The following GPC5 variants were observed in gnomAD, a reference collection of about 807,000 sequenced individuals.
GPC5 encodes glypican 5.
GPC5 carries 47 observed loss-of-function variants against 53.9 expected under a neutral mutation model. The observed-to-expected ratio is 0.87, with a 90% CI of 0.69 to 1.11. The LOEUF (loss-of-function observed/expected upper bound fraction) is 1.11, where lower values mean the gene tolerates loss of function less well. Among genes scored for constraint, GPC5 ranks in the 50% most tolerant of loss-of-function variants. The probability of loss-of-function intolerance (pLI) is 0.00; values close to 1 mark genes in which losing one functional copy is unlikely to be tolerated. For missense variants in GPC5, 748 were observed against 713.1 expected (o/e 1.05, Z -0.56); for synonymous variants, 286 against 263.3 (o/e 1.09, Z -0.84).
chr13:91,919,697 C>T (rs1357880186), intron 6 of GPC5, among the ~76,000 whole-genome samples: 1 of 152,048 alleles, frequency 6.6e-6, no homozygotes, highest in Non-Finnish European at 1.5e-5. Context: ...CCAGATAACT[C>T]TCCTCCACTT....
At chr13:92,741,823 A>T (rs1345417485) in intron 7 of GPC5, among the ~76,000 whole-genome samples, 1 of 151,988 alleles carries the variant, frequency 6.6e-6, no homozygotes, top group African/African-American at 2.4e-5. Flanking sequence ...GCCTATGAGT[A>T]AGAACACGCG....
chr13:92,567,030 T>C (rs1882884577), intron 7 of GPC5, among the ~76,000 whole-genome samples: 3 of 152,250 alleles, frequency 2.0e-5, no homozygotes, highest in African/African-American at 7.2e-5. Flanking sequence ...TGATGCCATC[T>C]ACAAAGACAG....
chr13:92,685,035 T>G (rs1887219465), intron 7 of GPC5, among the ~76,000 whole-genome samples: 1 of 152,178 alleles, frequency 6.6e-6, no homozygotes, highest in South Asian at 2.1e-4. Flanking sequence ...AGTAGTATGC[T>G]GCCATCAGTA....
At chr13:91,913,975 G>A (rs140183091) in intron 6 of GPC5, among the ~76,000 whole-genome samples, 17 of 152,224 alleles carry the variant, frequency 1.1e-4, no homozygotes, top group African/African-American at 3.9e-4. Context: ...ACAACACTTG[G>A]TTGATCTTAG....
intron 3 of GPC5, among the ~76,000 whole-genome samples, chr13:91,722,895 C>A (rs1020451698): frequency 1.3e-5 from 2 of 152,110 alleles, no homozygotes; most frequent in African/African-American, 4.8e-5. Flanking sequence ...GAACTGGGCA[C>A]CTTGTACAAA....
At chr13:92,311,364 G>A (rs1010021565) in intron 7 of GPC5, among the ~76,000 whole-genome samples, 1 of 152,000 alleles carries the variant, frequency 6.6e-6, no homozygotes, top group Non-Finnish European at 1.5e-5. Flanking sequence ...TTCTGCTAGA[G>A]GAATTAGGTA....
chr13:92,249,214 T>G (rs1448536717), intron 7 of GPC5, among the ~76,000 whole-genome samples: 1 of 152,094 alleles, frequency 6.6e-6, no homozygotes, highest in Non-Finnish European at 1.5e-5. Context: ...TACAATAAAT[T>G]GTTGACTATA....
chr13:92,381,911 T>TC lies in GPC5; in HGVS notation c.1561+236922_1561+236923insC, dbSNP rs1364589576. Among the ~76,000 whole-genome samples the TC allele has an allele frequency of 2.2e-5, 3 of 135,826 alleles. No homozygotes were observed. The South Asian group carries it at 6.6e-4, about 30-fold the overall frequency. 89.1% of individuals were successfully genotyped at this position (135,826 alleles called of 152,430 possible). A position where few individuals can be genotyped will look rare whatever the true frequency, so the allele number is the denominator to read the frequency against. On this transcript the variant is annotated intron_variant, in intron 7 of 7. Transcript: ENST00000377067. ...ATATTATATATAATCATATATATGA[T>TC]ATATATAATCATATATATGATTATA...
chr13:91,784,156 C>T (rs1175579303), intron 5 of GPC5, among the ~76,000 whole-genome samples: 1 of 151,868 alleles, frequency 6.6e-6, no homozygotes, highest in Non-Finnish European at 1.5e-5. Context: ...TTTATTTAAG[C>T]CACTAAAAGT....
At chr13:91,935,930 T>C (rs2039866563) in intron 6 of GPC5, among the ~76,000 whole-genome samples, 2 of 152,108 alleles carry the variant, frequency 1.3e-5, no homozygotes, top group South Asian at 4.1e-4. Context: ...GGTCTATGAC[T>C]GAGCCTGGAG....
intron 2 of GPC5, among the ~76,000 whole-genome samples, chr13:91,512,933 T>A (rs1054676172): frequency 6.6e-6 from 1 of 152,028 alleles, no homozygotes; most frequent in Non-Finnish European, 1.5e-5. Context: ...AAAGTTTTTC[T>A]TGATAACTTT....
chr13:92,473,828 G>A (rs577977365), intron 7 of GPC5, among the ~76,000 whole-genome samples: 1 of 152,172 alleles, frequency 6.6e-6, no homozygotes, highest in African/African-American at 2.4e-5. Context: ...AATTATTCAT[G>A]TACTGAGGGA....
chr13:92,164,304 C>T (rs2139010508), intron 7 of GPC5, among the ~76,000 whole-genome samples: 1 of 152,264 alleles, frequency 6.6e-6, no homozygotes, highest in Middle Eastern at 3.4e-3. Context: ...TCCCTTCTAC[C>T]TATGAGCCTG....
At chr13:92,335,277 G>A (rs1196242770) in intron 7 of GPC5, among the ~76,000 whole-genome samples, 1 of 152,092 alleles carries the variant, frequency 6.6e-6, no homozygotes, top group Non-Finnish European at 1.5e-5. Flanking sequence ...CCAAGGCTTG[G>A]GGCTTGAACC....
intron 7 of GPC5, among the ~76,000 whole-genome samples, chr13:92,364,080 C>G (rs1284946990): frequency 6.6e-6 from 1 of 151,518 alleles, no homozygotes; most frequent in Non-Finnish European, 1.5e-5. Context: ...AAAATCAAGC[C>G]TAAAAGAGAA....
chr13:92,485,339 T>C (rs1879513438), intron 7 of GPC5, among the ~76,000 whole-genome samples: 1 of 152,198 alleles, frequency 6.6e-6, no homozygotes, highest in Admixed American at 6.5e-5. Flanking sequence ...AAACAAATAT[T>C]TTTGGGTGCT....
intron 5 of GPC5, among the ~76,000 whole-genome samples, chr13:91,838,179 T>A (rs2038743585): frequency 6.6e-6 from 1 of 152,046 alleles, no homozygotes; most frequent in Non-Finnish European, 1.5e-5. Flanking sequence ...AAAGTTTGGG[T>A]ATTAATTGCA....
At chr13:92,165,391 A>C (rs1180996743) in intron 7 of GPC5, among the ~76,000 whole-genome samples, 1 of 152,204 alleles carries the variant, frequency 6.6e-6, no homozygotes, top group African/African-American at 2.4e-5. Context: ...CTATGAAAAA[A>C]TACCTGAGAC....
At chr13:91,658,295 A>G (rs967551220) in intron 2 of GPC5, among the ~76,000 whole-genome samples, 10 of 152,158 alleles carry the variant, frequency 6.6e-5, no homozygotes, top group African/African-American at 2.4e-4. Flanking sequence ...TTGAAATATA[A>G]TAGTAAATAG....
Sources: gnomAD v4.1 joint callset for allele counts (sites outside exome capture counted in the v4.1 genomes callset) on GRCh38, gnomAD v4.1.1 for gene constraint, MANE v1.5 for transcripts, NCBI Gene and HGNC (gene_info 2026-07-23, HGNC 2026-07-21) for gene names.